STARD13: variants seen among roughly 807,000 people sequenced by gnomAD.
STARD13 encodes stAR-related lipid transfer protein 13.
STARD13 carries 62 observed loss-of-function variants against 106.4 expected under a neutral mutation model. The observed-to-expected ratio is 0.58, with a 90% CI of 0.48 to 0.72. The LOEUF (loss-of-function observed/expected upper bound fraction) is 0.72. Among genes scored for constraint, STARD13 ranks in the 30% least tolerant of loss-of-function variants. The pLI is 0.00. For synonymous variants in STARD13, 565 were observed against 553.0 expected (o/e 1.02, Z -0.31); for missense variants, 1,387 against 1,424.0 (o/e 0.97, Z 0.42).
At chr13:33,618,135 T>C in the STARD13 span, among the ~76,000 whole-genome samples, 1 of 152,244 alleles carries the variant, frequency 6.6e-6, no homozygotes, top group Non-Finnish European at 1.5e-5. Flanking sequence ...AATGATAGGA[T>C]ACTCTAAAAT....
chr13:33,621,812 C>CT, the STARD13 span, among the ~76,000 whole-genome samples: 36 of 143,044 alleles, frequency 2.5e-4, no homozygotes, highest in South Asian at 2.5e-3. Flanking sequence ...ATTTTTTTTT[C>CT]TTTTTTTTTT....
the STARD13 span, among the ~76,000 whole-genome samples, chr13:33,364,639 C>T: frequency 6.6e-6 from 1 of 152,198 alleles, no homozygotes; most frequent in African/African-American, 2.4e-5. Flanking sequence ...CCTGTAATCC[C>T]AGCTCTTTGG....
the STARD13 span, among the ~76,000 whole-genome samples, chr13:33,419,805 C>G: frequency 6.6e-6 from 1 of 152,210 alleles, no homozygotes; most frequent in Non-Finnish European, 1.5e-5. Context: ...CCAATATCTA[C>G]ATTCTTAAAG....
At chr13:33,381,644 G>A in the STARD13 span, among the ~76,000 whole-genome samples, 26 of 152,240 alleles carry the variant, frequency 1.7e-4, no homozygotes, top group African/African-American at 5.8e-4. Context: ...GGAGCCTGAG[G>A]CAGGAGAATC....
At chr13:33,271,931 G>T (rs537848148) in intron 1 of STARD13, among the ~76,000 whole-genome samples, 1 of 152,144 alleles carries the variant, frequency 6.6e-6, no homozygotes, top group African/African-American at 2.4e-5. Context: ...CTCCCAGATC[G>T]TCCAGACTTG....
chr13:33,604,757 C>T, the STARD13 span, among the ~76,000 whole-genome samples: 63 of 151,358 alleles, frequency 4.2e-4, no homozygotes, highest in African/African-American at 1.5e-3. Context: ...TGAGATTGGG[C>T]CACTGCACTC....
intron 1 of STARD13, among the ~76,000 whole-genome samples, chr13:33,323,953 C>T (rs1243671594): frequency 3.3e-5 from 5 of 152,136 alleles, no homozygotes; most frequent in Non-Finnish European, 1.5e-5. Context: ...GCTATTTCCA[C>T]AGCTGATTAT....
chr13:33,476,970 A>G, the STARD13 span, among the ~76,000 whole-genome samples: 5 of 152,190 alleles, frequency 3.3e-5, no homozygotes, highest in African/African-American at 1.2e-4. Flanking sequence ...AAGCTGTTCA[A>G]TCCTTTGAGG....
At chr13:33,162,535 C>T (rs950687597) in intron 3 of STARD13, among the ~76,000 whole-genome samples, 1 of 152,192 alleles carries the variant, frequency 6.6e-6, no homozygotes, top group Non-Finnish European at 1.5e-5. Flanking sequence ...AAATGGAATG[C>T]CTTTAACAGC....
chr13:33,247,600 A>G (rs1889892473), intron 1 of STARD13, among the ~76,000 whole-genome samples: 1 of 152,184 alleles, frequency 6.6e-6, no homozygotes, highest in Non-Finnish European at 1.5e-5. Context: ...TATATAACAG[A>G]CACCAAATAT....
intron 1 of STARD13, among the ~76,000 whole-genome samples, chr13:33,327,739 G>A (rs1459826562): frequency 2.0e-5 from 3 of 152,080 alleles, no homozygotes; most frequent in African/African-American, 7.2e-5. Flanking sequence ...TTAAAAAGAG[G>A]GTGAAATTTG....
chr13:33,494,817 T>C, the STARD13 span, among the ~76,000 whole-genome samples: 1 of 152,130 alleles, frequency 6.6e-6, no homozygotes, highest in Non-Finnish European at 1.5e-5. Context: ...ATACACTCTA[T>C]AGAGGTCACA....
the STARD13 span, among the ~76,000 whole-genome samples, chr13:33,373,442 A>T: frequency 6.6e-6 from 1 of 152,162 alleles, no homozygotes; most frequent in Non-Finnish European, 1.5e-5. Flanking sequence ...ATTAGATACC[A>T]TTTGAAAGCA....
At chr13:33,399,970 G>A in the STARD13 span, among the ~76,000 whole-genome samples, 1 of 151,928 alleles carries the variant, frequency 6.6e-6, no homozygotes, top group Non-Finnish European at 1.5e-5. Flanking sequence ...ATACATTCAA[G>A]GTATACAACA....
In STARD13 at chr13:33,165,360, C is replaced by T. The variant is rs759375905; in HGVS notation, c.300G>A (p.Lys100=). The T allele has an allele frequency of 6.2e-7, 1 of 1,613,744 alleles. No homozygotes were observed. The highest frequency in any genetic ancestry group is 8.5e-7 in the Non-Finnish European group (1 of 1,179,712). The change falls in exon 3 of 14, where the codon AAG becomes AAA. Residue 100 remains lysine, a synonymous_variant. Transcript: ENST00000336934. ...ACCTGCAAAGAGGTTCTACAAGGTC[C>T]TTTTCAAGAAAATCATGATCATTCT... ...AVKNDHDFLE[K]DLVEPLCRRL...
At chr13:33,109,545 T>C (rs1415824935) in intron 12 of STARD13, among the ~76,000 whole-genome samples, 1 of 152,186 alleles carries the variant, frequency 6.6e-6, no homozygotes, top group Non-Finnish European at 1.5e-5. Context: ...ATTTGCATAA[T>C]TTGGCAGAAA....
chr13:33,361,684 C>T, the STARD13 span, among the ~76,000 whole-genome samples: 209 of 152,308 alleles, frequency 1.4e-3, no homozygotes, highest in African/African-American at 4.8e-3. Context: ...GAAGCAAGCA[C>T]ATCTTACCAT....
chr13:33,146,206 C>T lies in STARD13; in HGVS notation c.324-3833G>A, dbSNP rs369130234. Among the ~76,000 whole-genome samples the T allele has an allele frequency of 1.1e-3, 169 of 152,270 alleles. 1 individual carries two copies. Among genetic ancestry groups the T allele is most frequent in the African/African-American group, 3.8e-3 (156 of 41,544 alleles). On this transcript the variant is annotated intron_variant, in intron 3 of 13. Coordinates refer to ENST00000336934, the MANE Select transcript of STARD13 (RefSeq NM_178006.4). ...AGGCGTGGTGGCACATGCCTGTAAT[C>T]CCAGCTACTCAGGAGGCTGAGGCAG...
At chr13:33,350,648 A>C (rs1348676842), upstream of STARD13, 12 of 1,270,378 alleles carry the variant, frequency 9.4e-6, no homozygotes, top group Non-Finnish European at 1.2e-5. Context: ...GCGCTCGCCA[A>C]CTCCTCTACT....
Sources: allele counts gnomAD v4.1 joint callset (sites outside exome capture counted in the v4.1 genomes callset), GRCh38; gene constraint gnomAD v4.1.1; transcripts MANE v1.5; gene names NCBI Gene and HGNC (gene_info 2026-07-23, HGNC 2026-07-21).